The following CDYL2 variants were observed in gnomAD, a reference collection of about 807,000 sequenced individuals.
The protein encoded by CDYL2 is chromodomain Y-like protein 2.
In CDYL2, 23 loss-of-function variants were observed where a neutral mutation model predicts 49.4. The observed-to-expected ratio is 0.47, with a 90% CI of 0.34 to 0.66. The LOEUF (loss-of-function observed/expected upper bound fraction) is 0.66. CDYL2 is among the 30% of genes least tolerant of loss of function. The pLI is 0.01. For missense variants in CDYL2, 678 were observed against 656.4 expected (o/e 1.03, Z -0.36); for synonymous variants, 360 against 268.8 (o/e 1.34, Z -3.32).
intron 1 of CDYL2, among the ~76,000 whole-genome samples, 187 bp downstream of exon 1, chr16:80,803,963 G>A (rs1450007770): frequency 3.6e-5 from 5 of 140,544 alleles, no homozygotes; most frequent in Non-Finnish European, 6.3e-5. Flanking sequence ...GGGAGGCGGC[G>A]GGCGGCGGGC....
At chr16:80,705,451 T>A (rs1904373904) in intron 1 of CDYL2, among the ~76,000 whole-genome samples, 1 of 152,212 alleles carries the variant, frequency 6.6e-6, no homozygotes, top group African/African-American at 2.4e-5. Flanking sequence ...TGCTTCCTTC[T>A]AGGGAGCCCA....
rs779742591 is a variant in CDYL2, at chr16:80,684,737, A to G, written c.417T>C (p.Thr139=). The change falls in exon 2 of 7, where the codon ACT becomes ACC. Residue 139 remains threonine (T), a synonymous_variant. Coordinates refer to ENST00000570137, the MANE Select transcript of CDYL2 (RefSeq NM_152342.4). ...GCATTATTTGCAAACCACTGGGGGT[A>G]GTCCTGTAAGACACCGTCTTGGTGG... ...DRATKTVSYR[T]TPSGLQIMPL... 4 of 1,614,128 alleles carry G rather than the reference A, an allele frequency of 2.5e-6. No individual in the cohort carries two copies. Among genetic ancestry groups the G allele is most frequent in the Admixed American group, 1.7e-5 (1 of 60,018 alleles).
Position 80,598,408 on chromosome 16 carries a change from C to G in CDYL2, c.*5980G>C, listed in dbSNP as rs1187261080. 3 of 152,134 alleles carry G rather than the reference C, an allele frequency of 2.0e-5. No individual in the cohort carries two copies. Among genetic ancestry groups the G allele is most frequent in the Non-Finnish European group, 4.4e-5 (3 of 68,024 alleles). The allele number at this position is 152,134 out of a possible 1,614,324, so 9.4% of individuals were successfully genotyped here. A position where few individuals can be genotyped will look rare whatever the true frequency, so the allele number is the denominator to read the frequency against. ...AGAATACCACTTCTTCAGCATCAAT[C>G]ATTTCTCAACTGGTCAATGGATCAA... is the stretch of plus-strand genomic sequence containing the variant. On this transcript the variant is annotated 3_prime_UTR_variant, in exon 7 of 7. Coordinates refer to ENST00000570137, the MANE Select transcript of CDYL2 (RefSeq NM_152342.4).
At chr16:80,609,942 C>T (rs913762945) in intron 5 of CDYL2, among the ~76,000 whole-genome samples, 32 of 152,136 alleles carry the variant, frequency 2.1e-4, no homozygotes, top group African/African-American at 3.4e-4. Context: ...AGTCACTTAA[C>T]GTCACAAAGC....
intron 1 of CDYL2, among the ~76,000 whole-genome samples, chr16:80,791,570 G>C (rs779841228): frequency 6.6e-6 from 1 of 152,208 alleles, no homozygotes; most frequent in Non-Finnish European, 1.5e-5. Context: ...GAGGAAGCTT[G>C]CCAAGAATAA....
At chr16:80,730,831 T>C (rs1194192148) in intron 1 of CDYL2, among the ~76,000 whole-genome samples, 3 of 152,184 alleles carry the variant, frequency 2.0e-5, no homozygotes, top group African/African-American at 7.2e-5. Context: ...AGAGTAATTA[T>C]ACTTAAAGAA....
chr16:80,798,776 T>C (rs1434279130), intron 1 of CDYL2, among the ~76,000 whole-genome samples: 2 of 150,514 alleles, frequency 1.3e-5, no homozygotes, highest in Non-Finnish European at 2.9e-5. Context: ...AATTTCACTG[T>C]ATATGAAATT....
intron 1 of CDYL2, among the ~76,000 whole-genome samples, chr16:80,688,301 C>T (rs1176127351): frequency 6.6e-6 from 1 of 152,158 alleles, no homozygotes; most frequent in Non-Finnish European, 1.5e-5. Flanking sequence ...AGGACCATCT[C>T]TAATAGCCTG....
intron 2 of CDYL2, among the ~76,000 whole-genome samples, chr16:80,660,208 A>C (rs1908985119): frequency 6.6e-6 from 1 of 152,140 alleles, no homozygotes; most frequent in African/African-American, 2.4e-5. Context: ...CAAAAATTTA[A>C]TTCAGAGGAA....
At chr16:80,658,655 G>C (rs183826618) in intron 2 of CDYL2, among the ~76,000 whole-genome samples, 93 of 152,276 alleles carry the variant, frequency 6.1e-4, no homozygotes, top group Admixed American at 5.0e-3. Flanking sequence ...GTATTGGTAA[G>C]AATTCATGAT....
intron 2 of CDYL2, among the ~76,000 whole-genome samples, chr16:80,668,377 T>C (rs963787751): frequency 6.6e-6 from 1 of 152,140 alleles, no homozygotes; most frequent in African/African-American, 2.4e-5. Context: ...TATCTATACC[T>C]ACATACATGG....
intron 1 of CDYL2, among the ~76,000 whole-genome samples, chr16:80,734,309 A>G (rs1317750700): frequency 6.6e-6 from 1 of 152,218 alleles, no homozygotes; most frequent in Non-Finnish European, 1.5e-5. Flanking sequence ...TACATGGAGT[A>G]GGACTTCGGG....
intron 1 of CDYL2, among the ~76,000 whole-genome samples, chr16:80,723,739 C>T (rs965174611): frequency 6.6e-6 from 1 of 152,166 alleles, no homozygotes; most frequent in South Asian, 2.1e-4. Context: ...AACTGCAGAA[C>T]ATGAGTAGTG....
chr16:80,648,402 G>A (rs190748427), intron 2 of CDYL2, among the ~76,000 whole-genome samples: 169 of 152,120 alleles, frequency 1.1e-3, no homozygotes, highest in Middle Eastern at 3.4e-3. Context: ...AAAGCTAGAG[G>A]ACACAGACAA....
chr16:80,620,964 G>A (rs1411497484), intron 3 of CDYL2, 29 bp from the exon 4 acceptor site: 3 of 1,563,564 alleles, frequency 1.9e-6, no homozygotes, highest in South Asian at 2.3e-5. Context: ...TTGCAGGGAT[G>A]TTAAGTGTCT....
chr16:80,682,359 C>T (rs369970260), intron 2 of CDYL2, among the ~76,000 whole-genome samples: 2 of 152,182 alleles, frequency 1.3e-5, no homozygotes, highest in African/African-American at 2.4e-5. Flanking sequence ...GGACAATCAA[C>T]GGATCTCAAC....
intron 4 of CDYL2, among the ~76,000 whole-genome samples, chr16:80,619,470 G>C (rs998545304): frequency 2.0e-5 from 3 of 152,192 alleles, no homozygotes; most frequent in African/African-American, 7.2e-5. Context: ...GTGTAAACCA[G>C]ATAAAGACCA....
chr16:80,618,564 T>C (rs986580937), intron 4 of CDYL2, among the ~76,000 whole-genome samples: 1 of 152,178 alleles, frequency 6.6e-6, no homozygotes, highest in Non-Finnish European at 1.5e-5. Flanking sequence ...AAATCCATCA[T>C]GAGACCTGAC....
intron 1 of CDYL2, among the ~76,000 whole-genome samples, chr16:80,787,876 C>T (rs780394932): frequency 1.3e-5 from 2 of 151,990 alleles, no homozygotes; most frequent in Non-Finnish European, 2.9e-5. Context: ...TTTTTTAATG[C>T]CAAGCATGCA....
Sources: allele counts gnomAD v4.1 joint callset (sites outside exome capture counted in the v4.1 genomes callset), GRCh38; gene constraint gnomAD v4.1.1; transcripts MANE v1.5; gene names NCBI Gene and HGNC (gene_info 2026-07-23, HGNC 2026-07-21).